The following PUM2 variants were observed in gnomAD, a reference collection of about 807,000 sequenced individuals.
PUM2 encodes the protein pumilio homolog 2.
In PUM2, 57 loss-of-function variants were observed where a neutral mutation model predicts 124.5. The observed-to-expected ratio is 0.46, with a 90% confidence interval of 0.37 to 0.57. PUM2 has a LOEUF of 0.57. Ranked by LOEUF, PUM2 falls within the 20% of genes least tolerant of loss-of-function variation. The pLI is 0.00. For synonymous variants in PUM2, 460 were observed against 446.1 expected (o/e 1.03, Z -0.39); for missense variants, 1,065 against 1,290.6 (o/e 0.83, Z 2.68).
At chr2:20,345,029 T>C (rs1214433225) in intron 1 of PUM2, among the ~76,000 whole-genome samples, 4 of 149,756 alleles carry the variant, frequency 2.7e-5, no homozygotes, top group South Asian at 4.2e-4. Context: ...GCTTTACCTC[T>C]TGTGGAAAGC....
intron 7 of PUM2, among the ~76,000 whole-genome samples, chr2:20,304,633 T>TTGTATTC (rs1677785568): frequency 1.3e-5 from 2 of 152,316 alleles, no homozygotes; most frequent in South Asian, 2.1e-4. Flanking sequence ...CAACAGCCTT[T>TTGTATTC]TGTACAGAAG....
At chr2:20,305,958 C>T (rs1347484693) in intron 7 of PUM2, among the ~76,000 whole-genome samples, 1 of 152,154 alleles carries the variant, frequency 6.6e-6, no homozygotes, top group East Asian at 1.9e-4. Flanking sequence ...CGGTGGCTCA[C>T]GCCTGTAATC....
intron 13 of PUM2, among the ~76,000 whole-genome samples, chr2:20,264,927 T>C (rs1167101753): frequency 2.0e-5 from 3 of 152,150 alleles, no homozygotes; most frequent in Admixed American, 6.5e-5. Flanking sequence ...CTTTTTTTCA[T>C]TGAACTTCCT....
intron 13 of PUM2, among the ~76,000 whole-genome samples, chr2:20,264,152 C>T (rs767207644): frequency 2.7e-5 from 4 of 150,522 alleles, no homozygotes; most frequent in African/African-American, 4.9e-5. Flanking sequence ...GCCTGGCCAA[C>T]GTGGTGAAAC....
At chr2:20,280,932 G>T (rs898609910) in intron 12 of PUM2, among the ~76,000 whole-genome samples, 2 of 152,154 alleles carry the variant, frequency 1.3e-5, no homozygotes, top group African/African-American at 4.8e-5. Flanking sequence ...ATCATAAAAT[G>T]GGGTATTTAA....
intron 1 of PUM2, among the ~76,000 whole-genome samples, chr2:20,338,788 C>T (rs1218618894): frequency 6.6e-6 from 1 of 152,106 alleles, no homozygotes. Flanking sequence ...AAAGTGAAAA[C>T]CAATCTATGC....
intron 1 of PUM2, among the ~76,000 whole-genome samples, chr2:20,343,913 G>A (rs757181377): frequency 6.6e-5 from 10 of 151,852 alleles, no homozygotes; most frequent in Non-Finnish European, 1.2e-4. Flanking sequence ...CCAGCAACAC[G>A]ATGAGACACC....
chr2:20,263,907 G>C (rs1254984290), intron 13 of PUM2, among the ~76,000 whole-genome samples: 1 of 151,588 alleles, frequency 6.6e-6, no homozygotes, highest in African/African-American at 2.4e-5. Context: ...TTTTGCATTC[G>C]GTCATATATA....
intron 3 of PUM2, among the ~76,000 whole-genome samples, chr2:20,316,375 G>A (rs1331882244): frequency 6.6e-6 from 1 of 151,544 alleles, no homozygotes; most frequent in East Asian, 1.9e-4. Flanking sequence ...ATGATTTAGA[G>A]AATAAGAAAA....
chr2:20,346,479 C>T (rs1342476169), intron 1 of PUM2, among the ~76,000 whole-genome samples: 1 of 152,114 alleles, frequency 6.6e-6, no homozygotes, highest in African/African-American at 2.4e-5. Flanking sequence ...GGGCACTCTC[C>T]CTCTAACACT....
chr2:20,260,725 A>T (rs1665978007), intron 14 of PUM2, among the ~76,000 whole-genome samples: 1 of 152,216 alleles, frequency 6.6e-6, no homozygotes, highest in African/African-American at 2.4e-5. Context: ...ATAATCAATA[A>T]GAAAATTACG....
At chr2:20,317,857 G>A (rs1681375995) in intron 3 of PUM2, among the ~76,000 whole-genome samples, 1 of 152,160 alleles carries the variant, frequency 6.6e-6, no homozygotes, top group Non-Finnish European at 1.5e-5. Context: ...TTGCTGCAAA[G>A]GACATTATCT....
chr2:20,260,189 T>C (rs1018169132), intron 15 of PUM2, 148 bp downstream of exon 15: 1 of 864,564 alleles, frequency 1.2e-6, no homozygotes, highest in African/African-American at 1.7e-5. Flanking sequence ...ATAAAATGTT[T>C]ACCGCATATA....
At chr2:20,257,099 T>C (rs1206749069) in intron 16 of PUM2, among the ~76,000 whole-genome samples, 1 of 149,046 alleles carries the variant, frequency 6.7e-6, no homozygotes, top group Non-Finnish European at 1.5e-5. Flanking sequence ...TTGTTATTCA[T>C]TAACTGTTTC....
At position 20,251,588 on chromosome 2, in the gene PUM2, C is replaced by T; in HGVS notation, c.3192G>A (p.Leu1064=). Residue 1064 remains leucine, a synonymous_variant, in exon 21 of 21, where the codon CTG becomes CTA. Transcript: ENST00000361078. ...GPIGGPPNGM[L] is the part of the protein sequence containing the mutation. Reference sequence around the variant, plus strand: ...TTCTTTCTCTTGCTCCTGTAATTTACAGCATTCCATTTGGTGGTCCTCCAA... The same window carrying T: ...TTCTTTCTCTTGCTCCTGTAATTTATAGCATTCCATTTGGTGGTCCTCCAA... 1.2e-6 allele frequency: 2 copies of T among 1,611,074 alleles called. No homozygotes were observed. Among genetic ancestry groups the T allele is most frequent in the East Asian group, 2.2e-5 (1 of 44,840 alleles).
Position 20,278,728 on chromosome 2 carries a change from G to A in PUM2, c.1812C>T (p.Pro604=). Residue 604 remains proline, a synonymous_variant, in exon 13 of 21, where the codon CCC becomes CCT. Coordinates refer to ENST00000361078, the MANE Select transcript of PUM2 (RefSeq NM_015317.5). ...GACTATTGTAAAATGGTTGCCCTAT[G>A]GGTGCTAGGCTGCTACTAGATCTTT... ...LYKRSSSSLA[P]IGQPFYNSLG... The A allele has an allele frequency of 6.2e-7, 1 of 1,613,544 alleles. No individual in the cohort carries two copies. The highest frequency in any genetic ancestry group is 8.5e-7 in the Non-Finnish European group (1 of 1,179,712).
intron 4 of PUM2, 90 bp from the exon 5 acceptor site, chr2:20,311,753 A>C: frequency 1.6e-6 from 2 of 1,244,432 alleles, no homozygotes. Context: ...ACTACAGTGC[A>C]TGTAAACAAT....
chr2:20,314,311 T>G (rs886441251), intron 3 of PUM2, among the ~76,000 whole-genome samples: 2 of 152,144 alleles, frequency 1.3e-5, no homozygotes, highest in African/African-American at 2.4e-5. Context: ...CACAGAATTT[T>G]CTATTCTTGG....
At chr2:20,311,072 A>AG (rs1006013838) in intron 5 of PUM2, among the ~76,000 whole-genome samples, 4 of 152,060 alleles carry the variant, frequency 2.6e-5, no homozygotes, top group Admixed American at 2.6e-4. Context: ...TCTCCTCTTA[A>AG]AAGTTAAATG....
Sources: gnomAD v4.1 joint callset for allele counts (sites outside exome capture counted in the v4.1 genomes callset) on GRCh38, gnomAD v4.1.1 for gene constraint, MANE v1.5 for transcripts, NCBI Gene and HGNC (gene_info 2026-07-23, HGNC 2026-07-21) for gene names.